Variants in MYCL observed in about 807,000 individuals in gnomAD.
MYCL encodes the protein protein L-Myc.
MYCL carries 11 observed loss-of-function variants against 31.0 expected under a neutral mutation model. That is an observed-to-expected ratio of 0.35 (90% CI 0.22 to 0.59). The LOEUF (loss-of-function observed/expected upper bound fraction) is 0.59. MYCL is among the 20% of genes least tolerant of loss of function. MYCL has a pLI of 0.79. For missense variants in MYCL, 427 were observed against 486.1 expected (o/e 0.88, Z 1.14); for synonymous variants, 208 against 202.4 (o/e 1.03, Z -0.23).
At position 39,901,857 on chromosome 1, in the gene MYCL, G is replaced by T. The variant is rs1323504574; in HGVS notation, c.-423C>A. On this transcript the variant is annotated 5_prime_UTR_variant, in exon 1 of 2. Transcript: ENST00000372816. This position sits in a 1 kb window ranked among gnomAD's most constrained non-coding sequence, Gnocchi z 6.9. ...GAGCGGACCGGCTCCCCGCCGGCTC[G>T]GGGCAGCCCGGCAGCCAGCACACAC... is the stretch of plus-strand genomic sequence containing the variant. The T allele has an allele frequency of 3.2e-6, 4 of 1,237,444 alleles. No individual in the cohort carries two copies. Among genetic ancestry groups the T allele is most frequent in the Middle Eastern group, 3.3e-4 (1 of 3,070 alleles). 76.7% of individuals were successfully genotyped at this position (1,237,444 alleles called of 1,614,324 possible). A position where few individuals can be genotyped will look rare whatever the true frequency, so the allele number is the denominator to read the frequency against.
intron 1 of MYCL, among the ~76,000 whole-genome samples, chr1:39,899,323 T>A (rs995472770): frequency 3.9e-5 from 6 of 152,208 alleles, no homozygotes; most frequent in African/African-American, 1.4e-4. Flanking sequence ...CTTCCCTACA[T>A]CCCAAACCTT....
At position 39,896,759 on chromosome 1, in the gene MYCL, G is replaced by A. The variant is rs1186199894; in HGVS notation, c.*613C>T. 5 of 215,738 alleles carry A rather than the reference G, an allele frequency of 2.3e-5. No homozygotes were observed. The highest frequency in any genetic ancestry group is 4.7e-5 in the Non-Finnish European group (5 of 106,798). The allele number at this position is 215,738 out of a possible 1,614,324, so 13.4% of individuals were successfully genotyped here. A position where few individuals can be genotyped will look rare whatever the true frequency, so the allele number is the denominator to read the frequency against. On this transcript the variant is annotated 3_prime_UTR_variant, in exon 2 of 2. Coordinates refer to ENST00000372816, the MANE Select transcript of MYCL (RefSeq NM_001033081.3). Reference sequence around the variant, plus strand: ...TCCCAGGGTCGCAGCATTGGGAGTGGGAGGAAGGGGGTCAGCTAACATCAT... The same window carrying A: ...TCCCAGGGTCGCAGCATTGGGAGTGAGAGGAAGGGGGTCAGCTAACATCAT...
rs1644499974 is a variant in MYCL, at chr1:39,898,010, T to G, written c.497-40A>C. ...AGATCAAGAGAAGAAACACATCCCA[T>G]GAGAAACACAAACATAGACCCTACA... On this transcript the variant is annotated intron_variant, in intron 1 of 1. Transcript: ENST00000372816. 13 of 1,588,774 alleles carry G rather than the reference T, an allele frequency of 8.2e-6. No individual in the cohort carries two copies. The South Asian group carries it at 1.3e-4, about 15-fold the overall frequency.
chr1:39,897,230 T>C lies in MYCL; in HGVS notation c.*142A>G, dbSNP rs760622222. On this transcript the variant is annotated 3_prime_UTR_variant, in exon 2 of 2. Transcript: ENST00000372816. The surrounding 1 kb of genome is among the most constrained non-coding windows in gnomAD (Gnocchi z 4.3). ...CAAGAATGCAAGCCTTTATTGTGTG[T>C]GCACCGGCTGCAATGCATTCTGGGA... 95 of 747,664 alleles carry C rather than the reference T, an allele frequency of 1.3e-4. No homozygotes were observed. The Middle Eastern group carries it at 2.8e-3, about 22-fold the overall frequency. The allele number at this position is 747,664 out of a possible 1,614,324, so 46.3% of individuals were successfully genotyped here. A position where few individuals can be genotyped will look rare whatever the true frequency, so the allele number is the denominator to read the frequency against.
At chr1:39,900,646 C>A (rs1208633547) in intron 1 of MYCL, 1 of 1,325,512 alleles carries the variant, frequency 7.5e-7, no homozygotes, top group African/African-American at 1.5e-5. Flanking sequence ...CCCTTACAGT[C>A]CAACCCCAGT....
At chr1:39,898,085 ATTTAG>A in intron 1 of MYCL, 115 bp from the exon 2 acceptor site, 12 of 1,430,556 alleles carry the variant, frequency 8.4e-6, no homozygotes. Flanking sequence ...CATTTTTCCA[ATTTAG>A]ATATATACAA....
In MYCL at chr1:39,901,529, G is replaced by A. The variant is rs915616880; in HGVS notation, c.-95C>T. ...GGGTCCCTCGGCACAGTCGGCTGCC[G>A]GGCTCTCGTTCCTCCCCAACCCCAC... On this transcript the variant is annotated 5_prime_UTR_variant, in exon 1 of 2. Transcript: ENST00000372816. This position sits in a 1 kb window ranked among gnomAD's most constrained non-coding sequence, Gnocchi z 6.9. 1.3e-6 allele frequency: 2 copies of A among 1,511,370 alleles called. No homozygotes were observed. Among genetic ancestry groups the A allele is most frequent in the South Asian group, 1.3e-5 (1 of 75,544 alleles). 93.6% of individuals were successfully genotyped at this position (1,511,370 alleles called of 1,614,324 possible).
In MYCL at chr1:39,901,863, GCC is replaced by G; in HGVS notation, c.-431_-430del. 8.2e-7 allele frequency: 1 copy of G among 1,226,804 alleles called. No homozygotes were observed. The highest frequency in any genetic ancestry group is 1.0e-6 in the Non-Finnish European group (1 of 977,340). The allele number at this position is 1,226,804 out of a possible 1,614,324, so 76.0% of individuals were successfully genotyped here. On this transcript the variant is annotated 5_prime_UTR_variant, in exon 1 of 2. It introduces an in-frame stop codon into an upstream open reading frame of the 5' UTR. Coordinates refer to ENST00000372816, the MANE Select transcript of MYCL (RefSeq NM_001033081.3). The surrounding 1 kb of genome is among the most constrained non-coding windows in gnomAD (Gnocchi z 6.9). ...ACCGGCTCCCCGCCGGCTCGGGGCA[GCC>G]CGGCAGCCAGCACACACGCACATGC...
rs1450918746 is a variant in MYCL at position 39,901,828 on chromosome 1, C to T, written c.-394G>A. ...CTCACCTCGCTCCAGCCGCCCGCCA[C>T]CTGGAGCGGACCGGCTCCCCGCCGG... On this transcript the variant is annotated 5_prime_UTR_variant, in exon 1 of 2. It adds an upstream start codon to the 5' untranslated region. Coordinates refer to ENST00000372816, the MANE Select transcript of MYCL (RefSeq NM_001033081.3). The surrounding 1 kb of genome is among the most constrained non-coding windows in gnomAD (Gnocchi z 6.9). 1 of 1,274,348 alleles carries T rather than the reference C, an allele frequency of 7.8e-7. No individual in the cohort carries two copies. The highest frequency in any genetic ancestry group is 1.8e-5 in the South Asian group (1 of 54,814). The allele number at this position is 1,274,348 out of a possible 1,614,324, so 78.9% of individuals were successfully genotyped here.
At position 39,897,670 on chromosome 1, in the gene MYCL, T is replaced by C. The variant is rs1225852679; in HGVS notation, c.797A>G (p.Gln266Arg). 1 of 1,614,228 alleles carries C rather than the reference T, an allele frequency of 6.2e-7. No individual in the cohort carries two copies. The highest frequency in any genetic ancestry group is 8.5e-7 in the Non-Finnish European group (1 of 1,180,042). Residue 266 changes from glutamine to arginine, a missense_variant, in exon 2 of 2, where the codon CAG becomes CGG. Physicochemically the swap from Gln to Arg is conservative, Grantham distance 43. Coordinates refer to ENST00000372816, the MANE Select transcript of MYCL (RefSeq NM_001033081.3). This position sits in a 1 kb window ranked among gnomAD's most constrained non-coding sequence, Gnocchi z 4.3. ...SPPPVESEAA[Q>R]SCHPKPVSSD... ...ACTGACAGGTTTGGGGTGGCAGGACTGGGCAGCCTCACTTTCTACAGGTGG... is the reference window on the plus strand; with the variant it reads ...ACTGACAGGTTTGGGGTGGCAGGACCGGGCAGCCTCACTTTCTACAGGTGG...
chr1:39,901,709 CGGCGGGGCCG>C lies in MYCL; in HGVS notation c.-285_-276del. The C allele has an allele frequency of 2.5e-6, 3 of 1,220,414 alleles. No homozygotes were observed. Among genetic ancestry groups the C allele is most frequent in the South Asian group, 3.4e-5 (1 of 29,636 alleles). 75.6% of individuals were successfully genotyped at this position (1,220,414 alleles called of 1,614,324 possible). On this transcript the variant is annotated 5_prime_UTR_variant, in exon 1 of 2. It introduces an in-frame stop codon into an upstream open reading frame of the 5' UTR. Transcript: ENST00000372816. This position sits in a 1 kb window ranked among gnomAD's most constrained non-coding sequence, Gnocchi z 6.9. Reference sequence around the variant, plus strand: ...CGCCCGGAGCGCAGCTCCCAGGGCCCGGCGGGGCCGGGCGGGGGCGCGCCGTGCCCAGAAG... The same window carrying C: ...CGCCCGGAGCGCAGCTCCCAGGGCCCGGCGGGGGCGCGCCGTGCCCAGAAG...
At chr1:39,900,900 GGGGT>G in intron 1 of MYCL, 35 bp downstream of exon 1, 1 of 1,506,566 alleles carries the variant, frequency 6.6e-7, no homozygotes, top group Non-Finnish European at 8.8e-7. Context: ...GGCCACCCAT[GGGGT>G]GGCCCCCTCT....
At position 39,897,923 on chromosome 1, in the gene MYCL, C is replaced by A. The variant is rs1003519625; in HGVS notation, c.544G>T (p.Gly182Cys). 3.1e-6 allele frequency: 5 copies of A among 1,613,912 alleles called. No individual in the cohort carries two copies. The highest frequency in any genetic ancestry group is 2.7e-5 in the African/African-American group (2 of 74,880). The change falls in exon 2 of 2, where the codon GGT becomes TGT. Residue 182 changes from glycine (G) to cysteine (C), a missense_variant. Physicochemically the swap from Gly to Cys is radical, Grantham distance 159. Transcript: ENST00000372816. This position sits in a 1 kb window ranked among gnomAD's most constrained non-coding sequence, Gnocchi z 4.3. The part of the protein sequence containing the change: ...VVTVEKRQSL[G>C]IRKPVTITVR... ...GTGATGGTGACCGGCTTCCGAATAC[C>A]CAGAGACTGCCTCTTCTCTACTGTC...
chr1:39,897,902 T>A lies in MYCL; in HGVS notation c.565A>T (p.Ile189Phe). 3 of 1,614,122 alleles carry A rather than the reference T, an allele frequency of 1.9e-6. No individual in the cohort carries two copies. Among genetic ancestry groups the A allele is most frequent in the East Asian group, 4.5e-5 (2 of 44,878 alleles). The change falls in exon 2 of 2, where the codon ATC becomes TTC. Residue 189 changes from isoleucine to phenylalanine, a missense_variant. By Grantham distance (21) the Ile-to-Phe change is conservative. Coordinates refer to ENST00000372816, the MANE Select transcript of MYCL (RefSeq NM_001033081.3). The surrounding 1 kb of genome is among the most constrained non-coding windows in gnomAD (Gnocchi z 4.3). Reference sequence around the variant, plus strand: ...TCCAGGGGGTCTGCTCGCACCGTGATGGTGACCGGCTTCCGAATACCCAGA... The same window carrying A: ...TCCAGGGGGTCTGCTCGCACCGTGAAGGTGACCGGCTTCCGAATACCCAGA... ...QSLGIRKPVT[I>F]TVRADPLDPC...
intron 1 of MYCL, chr1:39,899,631 T>C: frequency 1.0e-6 from 1 of 985,452 alleles, no homozygotes; most frequent in Non-Finnish European, 1.2e-6. Context: ...TACATCTTTA[T>C]TGGTTTTTTG....
Position 39,900,821 on chromosome 1 carries a change from A to C in MYCL, c.496+118T>G, listed in dbSNP as rs1158884510. 8 of 1,483,964 alleles carry C rather than the reference A, an allele frequency of 5.4e-6. No individual in the cohort carries two copies. In the East Asian group the frequency reaches 2.1e-4, roughly 38 times the overall value. 91.9% of individuals were successfully genotyped at this position (1,483,964 alleles called of 1,614,324 possible). On this transcript the variant is annotated intron_variant, in intron 1 of 1. Transcript: ENST00000372816. The stretch of plus-strand genomic sequence containing the variant: ...GGGACTACACGGGCAGCTTCAGCCA[A>C]AGAGAGGCGGAGATGGCCCAAGAGC...
intron 1 of MYCL, chr1:39,898,192 C>A: frequency 1.6e-6 from 1 of 640,742 alleles, no homozygotes; most frequent in Non-Finnish European, 2.6e-6. Context: ...AAATATTCTC[C>A]AATTTCCTTT....
chr1:39,898,116 A>G, intron 1 of MYCL, 146 bp from the exon 2 acceptor site: 2 of 1,212,870 alleles, frequency 1.6e-6, no homozygotes, highest in East Asian at 5.0e-5. Flanking sequence ...GGTGAGCAGA[A>G]AGCTGATTCA....
At position 39,897,047 on chromosome 1, in the gene MYCL, C is replaced by A; in HGVS notation, c.*325G>T. Reference sequence around the variant, plus strand: ...CTGGAGCCCCTGACAACATCCACCACCTGTTGCATAGCATCTGTCAGCCTT... The same window carrying A: ...CTGGAGCCCCTGACAACATCCACCAACTGTTGCATAGCATCTGTCAGCCTT... On this transcript the variant is annotated 3_prime_UTR_variant, in exon 2 of 2. Coordinates refer to ENST00000372816, the MANE Select transcript of MYCL (RefSeq NM_001033081.3). This position sits in a 1 kb window ranked among gnomAD's most constrained non-coding sequence, Gnocchi z 4.3. The A allele has an allele frequency of 3.3e-6, 1 of 303,728 alleles. No homozygotes were observed. 18.8% of individuals were successfully genotyped at this position (303,728 alleles called of 1,614,324 possible). A position where few individuals can be genotyped will look rare whatever the true frequency, so the allele number is the denominator to read the frequency against.
Sources: allele counts gnomAD v4.1 joint callset (sites outside exome capture counted in the v4.1 genomes callset), GRCh38; gene constraint gnomAD v4.1.1; non-coding constraint Gnocchi (gnomAD v3.1); transcripts MANE v1.5; gene names NCBI Gene and HGNC (gene_info 2026-07-23, HGNC 2026-07-21).